HMGB1: variants seen among roughly 807,000 people sequenced by gnomAD.
HMGB1 encodes high mobility group protein B1.
For synonymous variants in HMGB1, 81 were observed against 84.0 expected (o/e 0.96, Z 0.19); for missense variants, 79 against 253.5 (o/e 0.31, Z 4.67).
chr13:30,513,935 T>C (rs1041299201), intron 1 of HMGB1, among the ~76,000 whole-genome samples: 1 of 152,118 alleles, frequency 6.6e-6, no homozygotes, highest in Admixed American at 6.6e-5. Flanking sequence ...AAATGGGGTC[T>C]ATGGGGTGTC....
At chr13:30,490,242 G>A (rs1480107677) in intron 1 of HMGB1, among the ~76,000 whole-genome samples, 3 of 152,080 alleles carry the variant, frequency 2.0e-5, no homozygotes, top group South Asian at 2.1e-4. Flanking sequence ...AGTCTGAACC[G>A]AGGTTTTAAT....
chr13:30,579,949 T>C (rs974526211), intron 1 of HMGB1, among the ~76,000 whole-genome samples: 2 of 152,200 alleles, frequency 1.3e-5, no homozygotes, highest in African/African-American at 4.8e-5. Context: ...GTTCATCTGG[T>C]ACAATAATGA....
At chr13:30,497,014 A>G (rs1464876923) in intron 1 of HMGB1, among the ~76,000 whole-genome samples, 2 of 152,038 alleles carry the variant, frequency 1.3e-5, no homozygotes, top group Non-Finnish European at 1.5e-5. Flanking sequence ...TCCCCTCCCC[A>G]GCCTTCAGTC....
chr13:30,462,373 A>C, intron 4 of HMGB1, 165 bp downstream of exon 4: 1 of 738,228 alleles, frequency 1.4e-6, no homozygotes, highest in Non-Finnish European at 2.5e-6. Context: ...AGTCAAAAAA[A>C]CCCTAATTTA....
At chr13:30,538,673 TTTCTTTC>T (rs1868669740) in intron 1 of HMGB1, among the ~76,000 whole-genome samples, 2 of 35,984 alleles carry the variant, frequency 5.6e-5, no homozygotes, top group African/African-American at 1.4e-4. Context: ...CCTTTCTTTC[TTTCTTTC>T]TTTCCTTTCT....
At chr13:30,569,553 A>G (rs2137532682) in intron 1 of HMGB1, among the ~76,000 whole-genome samples, 1 of 152,238 alleles carries the variant, frequency 6.6e-6, no homozygotes, top group East Asian at 1.9e-4. Flanking sequence ...GGTAGGCATT[A>G]TCCCCATTTT....
At chr13:30,563,202 T>C (rs936646537) in intron 1 of HMGB1, among the ~76,000 whole-genome samples, 1 of 152,244 alleles carries the variant, frequency 6.6e-6, no homozygotes, top group African/African-American at 2.4e-5. Context: ...TAGAAGCATC[T>C]AGATGTTCTC....
At chr13:30,473,199 C>T (rs934259436) in intron 1 of HMGB1, among the ~76,000 whole-genome samples, 2 of 152,124 alleles carry the variant, frequency 1.3e-5, no homozygotes, top group East Asian at 1.9e-4. Context: ...TGCCTCAGCC[C>T]GAGTTTTCCG....
chr13:30,579,763 T>G (rs1387053848), intron 1 of HMGB1, among the ~76,000 whole-genome samples: 1 of 152,152 alleles, frequency 6.6e-6, no homozygotes, highest in Non-Finnish European at 1.5e-5. Context: ...GATAACAACA[T>G]GGTACCTGGC....
chr13:30,536,341 C>T (rs1227879215), intron 1 of HMGB1, among the ~76,000 whole-genome samples: 1 of 152,116 alleles, frequency 6.6e-6, no homozygotes, highest in African/African-American at 2.4e-5. Context: ...TTTCCCCCTT[C>T]TCCTCTCCTA....
At chr13:30,593,700 G>C (rs1194453632) in intron 1 of HMGB1, among the ~76,000 whole-genome samples, 1 of 152,056 alleles carries the variant, frequency 6.6e-6, no homozygotes, top group Non-Finnish European at 1.5e-5. Context: ...CCTTTGAATG[G>C]ACTACTGTTT....
intron 1 of HMGB1, among the ~76,000 whole-genome samples, chr13:30,472,491 C>G (rs1222868166): frequency 6.6e-6 from 1 of 152,178 alleles, no homozygotes; most frequent in Non-Finnish European, 1.5e-5. Flanking sequence ...CTCCCAGCTA[C>G]TCCGGAGGCT....
At chr13:30,509,246 C>CT (rs577983392) in intron 1 of HMGB1, among the ~76,000 whole-genome samples, 32 of 143,072 alleles carry the variant, frequency 2.2e-4, no homozygotes, top group African/African-American at 4.5e-4. Flanking sequence ...CACCAATATT[C>CT]TTTTTTTTTT....
In HMGB1 at chr13:30,461,537, C is replaced by T; in HGVS notation, c.472-4G>A. 6.3e-7 allele frequency: 1 copy of T among 1,579,766 alleles called. No individual in the cohort carries two copies. Among genetic ancestry groups the T allele is most frequent in the Non-Finnish European group, 8.6e-7 (1 of 1,159,970 alleles). ...TAGCTCGATATGCAGCAATATCCTT[C>T]CAAAGCAAAGGGAGGATAAAACAGT... On this transcript the variant is annotated splice_polypyrimidine_tract_variant and splice_region_variant and intron_variant, in intron 4 of 4. Coordinates refer to ENST00000341423, the MANE Select transcript of HMGB1 (RefSeq NM_002128.7).
intron 4 of HMGB1, 188 bp from the exon 5 acceptor site, chr13:30,461,721 T>C: frequency 6.8e-7 from 1 of 1,470,968 alleles, no homozygotes; most frequent in South Asian, 1.2e-5. Context: ...TACAAGATCA[T>C]TATAACAATC....
At chr13:30,521,060 C>T (rs1285788088) in intron 1 of HMGB1, among the ~76,000 whole-genome samples, 1 of 152,110 alleles carries the variant, frequency 6.6e-6, no homozygotes, top group East Asian at 1.9e-4. Context: ...GATTGTGAGA[C>T]CTCTTCCATT....
intron 1 of HMGB1, among the ~76,000 whole-genome samples, chr13:30,583,359 T>C (rs546207652): frequency 1.3e-5 from 2 of 151,730 alleles, no homozygotes; most frequent in East Asian, 3.9e-4. Flanking sequence ...ATGGTGAAAC[T>C]ACATCTCTAC....
intron 1 of HMGB1, among the ~76,000 whole-genome samples, chr13:30,487,966 C>A (rs1887399957): frequency 6.6e-6 from 1 of 152,140 alleles, no homozygotes; most frequent in Non-Finnish European, 1.5e-5. Context: ...AAAAATTATA[C>A]TCTTAGTAGT....
At chr13:30,565,279 C>T (rs1387208085) in intron 1 of HMGB1, among the ~76,000 whole-genome samples, 1 of 152,150 alleles carries the variant, frequency 6.6e-6, no homozygotes, top group Non-Finnish European at 1.5e-5. Flanking sequence ...TTACAAACAA[C>T]CCACACATCT....
Sources: gnomAD v4.1 joint callset for allele counts (sites outside exome capture counted in the v4.1 genomes callset) on GRCh38, gnomAD v4.1.1 for gene constraint, MANE v1.5 for transcripts, NCBI Gene and HGNC (gene_info 2026-07-23, HGNC 2026-07-21) for gene names.